PIP5K1B: variants seen among roughly 807,000 people sequenced by gnomAD.
PIP5K1B encodes phosphatidylinositol-4-phosphate 5-kinase type 1 beta.
Under a neutral mutation model 67.0 loss-of-function variants are expected in PIP5K1B, and 42 were observed. The ratio of observed to expected loss-of-function variants is 0.63; its 90% confidence interval spans 0.49 to 0.81. PIP5K1B has a LOEUF of 0.81. PIP5K1B is among the 30% of genes least tolerant of loss of function. The pLI is 0.00. For synonymous variants in PIP5K1B, 214 were observed against 231.4 expected (o/e 0.92, Z 0.68); for missense variants, 459 against 646.3 (o/e 0.71, Z 3.14).
chr9:68,721,731 C>T (rs1827893567), intron 1 of PIP5K1B, among the ~76,000 whole-genome samples: 1 of 152,082 alleles, frequency 6.6e-6, no homozygotes, highest in African/African-American at 2.4e-5. Flanking sequence ...TAAAGAGAAG[C>T]TGTGTGTAAG....
chr9:68,777,035 C>T (rs1830951268), intron 2 of PIP5K1B, among the ~76,000 whole-genome samples: 1 of 152,152 alleles, frequency 6.6e-6, no homozygotes, highest in Non-Finnish European at 1.5e-5. Context: ...TTTCTTAGGT[C>T]ACATAATGGG....
chr9:68,816,695 T>A (rs996816230), intron 2 of PIP5K1B, among the ~76,000 whole-genome samples: 1 of 152,156 alleles, frequency 6.6e-6, no homozygotes, highest in Non-Finnish European at 1.5e-5. Flanking sequence ...AAAATATCAT[T>A]AAGTAAATGA....
intron 8 of PIP5K1B, among the ~76,000 whole-genome samples, chr9:68,898,185 C>T (rs531993029): frequency 1.3e-5 from 2 of 152,326 alleles, no homozygotes; most frequent in African/African-American, 4.8e-5. Context: ...TTCTAGAAAA[C>T]TGATCTTCTT....
intron 2 of PIP5K1B, among the ~76,000 whole-genome samples, chr9:68,816,178 G>C (rs1345454279): frequency 2.0e-5 from 3 of 152,108 alleles, no homozygotes; most frequent in Non-Finnish European, 4.4e-5. Context: ...GTCCAGGCTG[G>C]AGTGCAATGG....
chr9:68,819,048 C>G (rs1387407176), intron 3 of PIP5K1B, among the ~76,000 whole-genome samples: 2 of 152,058 alleles, frequency 1.3e-5, no homozygotes. Context: ...ATTCATATAA[C>G]ATAAAATTAG....
intron 3 of PIP5K1B, chr9:68,822,407 A>C: frequency 2.1e-6 from 1 of 479,016 alleles, no homozygotes. Context: ...ATATATTACG[A>C]AAATGTTTTA....
chr9:68,853,069 G>A (rs1822573722), intron 4 of PIP5K1B, among the ~76,000 whole-genome samples: 1 of 152,182 alleles, frequency 6.6e-6, no homozygotes, highest in Admixed American at 6.5e-5. Context: ...ATGCTGGGAG[G>A]TGGTTTTAAA....
chr9:68,765,154 T>TGGG (rs1830369886), intron 2 of PIP5K1B, among the ~76,000 whole-genome samples: 1 of 152,110 alleles, frequency 6.6e-6, no homozygotes, highest in African/African-American at 2.4e-5. Context: ...TCAGTTACAA[T>TGGG]TGTTCATAAT....
chr9:68,783,444 A>G (rs965318915), intron 2 of PIP5K1B: 7 of 167,042 alleles, frequency 4.2e-5, no homozygotes, highest in Non-Finnish European at 8.8e-5. Context: ...AAATATTTAA[A>G]CATTGTACAT....
At chr9:68,917,824 A>G (rs1587664117) in intron 9 of PIP5K1B, 65 bp downstream of exon 9, 2 of 1,172,016 alleles carry the variant, frequency 1.7e-6, no homozygotes, top group East Asian at 4.7e-5. Flanking sequence ...GGGTAATTAT[A>G]GACAGTCACA....
intron 2 of PIP5K1B, among the ~76,000 whole-genome samples, chr9:68,793,177 ATAGT>A (rs909272260): frequency 9.0e-5 from 9 of 99,842 alleles, no homozygotes; most frequent in East Asian, 7.1e-4. Context: ...GAAGGGAAAA[ATAGT>A]TAGAGGGGGG....
intron 4 of PIP5K1B, among the ~76,000 whole-genome samples, chr9:68,848,369 T>A (rs544663024): frequency 5.3e-5 from 8 of 152,282 alleles, no homozygotes; most frequent in Non-Finnish European, 1.5e-5. Flanking sequence ...TTAAAAGACA[T>A]AGGTAGGCAG....
At chr9:68,833,763 G>T (rs576153249) in intron 4 of PIP5K1B, among the ~76,000 whole-genome samples, 1 of 152,342 alleles carries the variant, frequency 6.6e-6, no homozygotes, top group East Asian at 1.9e-4. Flanking sequence ...TGAGGGCATG[G>T]TAGGAATGAT....
chr9:68,946,345 G>A (rs1827800972), intron 14 of PIP5K1B, among the ~76,000 whole-genome samples: 1 of 152,120 alleles, frequency 6.6e-6, no homozygotes, highest in Non-Finnish European at 1.5e-5. Flanking sequence ...ACTCGTTGAT[G>A]CTAAACATTG....
intron 8 of PIP5K1B, among the ~76,000 whole-genome samples, chr9:68,895,282 A>T (rs1191284234): frequency 6.6e-6 from 1 of 152,042 alleles, no homozygotes; most frequent in Non-Finnish European, 1.5e-5. Flanking sequence ...AAAAAAAAAA[A>T]AAAAACTAAG....
At chr9:68,849,394 T>G (rs1418982065) in intron 4 of PIP5K1B, among the ~76,000 whole-genome samples, 9 of 152,178 alleles carry the variant, frequency 5.9e-5, no homozygotes, top group Admixed American at 5.9e-4. Flanking sequence ...TTATTTTTAT[T>G]TTTGAGATAG....
At chr9:68,748,421 A>G (rs1307387002) in intron 2 of PIP5K1B, among the ~76,000 whole-genome samples, 1 of 152,152 alleles carries the variant, frequency 6.6e-6, no homozygotes, top group East Asian at 1.9e-4. Flanking sequence ...AATTTGCTGC[A>G]TTTTACTTTA....
chr9:68,983,993 T>C (rs2132908535), intron 14 of PIP5K1B, among the ~76,000 whole-genome samples: 1 of 152,322 alleles, frequency 6.6e-6, no homozygotes, highest in South Asian at 2.1e-4. Context: ...AGTCCAAGGC[T>C]GCAGCAAGCC....
intron 8 of PIP5K1B, among the ~76,000 whole-genome samples, chr9:68,895,628 GTTTT>G (rs11297770): frequency 6.9e-6 from 1 of 145,650 alleles, no homozygotes; most frequent in Non-Finnish European, 1.5e-5. Flanking sequence ...TACTGTTTCT[GTTTT>G]TTTTTTTTTT....
Sources: gnomAD v4.1 joint callset for allele counts (sites outside exome capture counted in the v4.1 genomes callset) on GRCh38, gnomAD v4.1.1 for gene constraint, MANE v1.5 for transcripts, NCBI Gene and HGNC (gene_info 2026-07-23, HGNC 2026-07-21) for gene names.